The following CDK15 variants were observed in gnomAD, a reference collection of about 807,000 sequenced individuals.
The protein encoded by CDK15 is cyclin-dependent kinase 15.
A neutral mutation model predicts 60.3 loss-of-function variants in CDK15; 62 were observed. The observed-to-expected ratio is 1.03, with a 90% CI of 0.84 to 1.27. CDK15 has a LOEUF of 1.27. Ranked by LOEUF, CDK15 falls within the 50% of genes most tolerant of loss-of-function variation. The probability of loss-of-function intolerance (pLI) is 0.00; values close to 1 mark genes in which losing one functional copy is unlikely to be tolerated. For synonymous variants in CDK15, 194 were observed against 195.7 expected (o/e 0.99, Z 0.07); for missense variants, 541 against 527.8 (o/e 1.03, Z -0.25).
At chr2:201,892,125 C>T (rs1284977826) in intron 13 of CDK15, among the ~76,000 whole-genome samples, 1 of 152,188 alleles carries the variant, frequency 6.6e-6, no homozygotes, top group Non-Finnish European at 1.5e-5. Flanking sequence ...AGCTGATCCT[C>T]AGAGCATTTT....
At chr2:201,874,223 G>T (rs1291128266) in intron 11 of CDK15, among the ~76,000 whole-genome samples, 1 of 152,090 alleles carries the variant, frequency 6.6e-6, no homozygotes, top group African/African-American at 2.4e-5. Flanking sequence ...GCATTCCAAG[G>T]ATTCAGTAGC....
intron 4 of CDK15, among the ~76,000 whole-genome samples, chr2:201,822,060 A>G (rs138612118): frequency 3.3e-5 from 5 of 152,110 alleles, no homozygotes; most frequent in African/African-American, 9.7e-5. Flanking sequence ...AGCTCCAAAG[A>G]CACACTTTCA....
At chr2:201,846,667 C>A (rs911443014) in intron 8 of CDK15, among the ~76,000 whole-genome samples, 4 of 151,242 alleles carry the variant, frequency 2.6e-5, no homozygotes, top group African/African-American at 9.7e-5. Flanking sequence ...AGTAAGCTAA[C>A]ACTACATAAC....
chr2:201,873,141 T>C (rs1698922260), intron 11 of CDK15, among the ~76,000 whole-genome samples: 1 of 152,214 alleles, frequency 6.6e-6, no homozygotes, highest in Non-Finnish European at 1.5e-5. Flanking sequence ...CCAAAAGTTG[T>C]TTGAATTCTT....
intron 9 of CDK15, among the ~76,000 whole-genome samples, chr2:201,851,482 C>T (rs1697907317): frequency 6.6e-6 from 1 of 151,972 alleles, no homozygotes; most frequent in Non-Finnish European, 1.5e-5. Context: ...GGTAGAAGAG[C>T]AAACGGGCCT....
chr2:201,856,861 T>A (rs891660097), intron 10 of CDK15, among the ~76,000 whole-genome samples: 1 of 152,156 alleles, frequency 6.6e-6, no homozygotes, highest in Non-Finnish European at 1.5e-5. Flanking sequence ...ATACAAAATG[T>A]CTTGGTGAGA....
chr2:201,868,058 T>G (rs964046556), intron 10 of CDK15, among the ~76,000 whole-genome samples: 1 of 152,170 alleles, frequency 6.6e-6, no homozygotes, highest in African/African-American at 2.4e-5. Flanking sequence ...TGACCCACAC[T>G]GAGGACTCAG....
intron 8 of CDK15, among the ~76,000 whole-genome samples, chr2:201,842,507 C>T (rs554244078): frequency 2.0e-4 from 30 of 152,124 alleles, no homozygotes; most frequent in Non-Finnish European, 3.7e-4. Context: ...ATGTCACTGC[C>T]ATATATTACG....
At chr2:201,858,222 C>T (rs1698226232) in intron 10 of CDK15, among the ~76,000 whole-genome samples, 4 of 152,156 alleles carry the variant, frequency 2.6e-5, no homozygotes. Context: ...TAACTGTTTT[C>T]TTGGAGCTTT....
intron 8 of CDK15, among the ~76,000 whole-genome samples, chr2:201,846,289 T>G (rs775120711): frequency 1.3e-5 from 2 of 152,060 alleles, no homozygotes; most frequent in Non-Finnish European, 2.9e-5. Context: ...GGTCAGGAAT[T>G]CAAGACCAGC....
chr2:201,806,525 G>T, upstream of CDK15: 1 of 953,328 alleles, frequency 1.0e-6, no homozygotes, highest in South Asian at 2.7e-5. Context: ...AAGTTGTGAG[G>T]CTGCTCCAGG....
chr2:201,855,532 C>T (rs1246516988), intron 10 of CDK15, among the ~76,000 whole-genome samples: 1 of 152,084 alleles, frequency 6.6e-6, no homozygotes, highest in African/African-American at 2.4e-5. Flanking sequence ...GAGAAGCTGT[C>T]GCAGGGCCAC....
chr2:201,864,476 C>T (rs1698529538), intron 10 of CDK15, among the ~76,000 whole-genome samples: 1 of 152,196 alleles, frequency 6.6e-6, no homozygotes, highest in East Asian at 1.9e-4. Flanking sequence ...CGGCCCCATG[C>T]CCAGTTAATT....
At chr2:201,853,320 G>A (rs909342438) in intron 9 of CDK15, among the ~76,000 whole-genome samples, 2 of 152,124 alleles carry the variant, frequency 1.3e-5, no homozygotes. Context: ...AGATTTTACT[G>A]GGTGGCATGA....
chr2:201,841,295 C>T (rs2105761558), intron 8 of CDK15, among the ~76,000 whole-genome samples: 1 of 152,284 alleles, frequency 6.6e-6, no homozygotes, highest in Middle Eastern at 3.4e-3. Context: ...GCAACAATGA[C>T]ACAATATAAA....
intron 6 of CDK15, among the ~76,000 whole-genome samples, chr2:201,831,167 G>A (rs78829511): frequency 0.012 from 1,810 of 152,278 alleles, 9 homozygotes; most frequent in Non-Finnish European, 0.02. Context: ...GACAGGGTGG[G>A]AATCCTCGTG....
intron 6 of CDK15, chr2:201,824,769 C>A: frequency 1.4e-6 from 1 of 722,320 alleles, no homozygotes; most frequent in Non-Finnish European, 1.9e-6. Flanking sequence ...AGCTTCAGCG[C>A]CTAATGATGT....
At chr2:201,820,577 G>A (rs1696176285) in intron 4 of CDK15, among the ~76,000 whole-genome samples, 1 of 152,200 alleles carries the variant, frequency 6.6e-6, no homozygotes, top group Admixed American at 6.5e-5. Flanking sequence ...TACTCAGATA[G>A]GAAGTGACAG....
At chr2:201,831,969 C>T (rs1339457729) in intron 6 of CDK15, among the ~76,000 whole-genome samples, 1 of 152,086 alleles carries the variant, frequency 6.6e-6, no homozygotes, top group Non-Finnish European at 1.5e-5. Flanking sequence ...AGGTTGTATC[C>T]CTCACTGGTC....
Sources: gnomAD v4.1 joint callset for allele counts (sites outside exome capture counted in the v4.1 genomes callset) on GRCh38, gnomAD v4.1.1 for gene constraint, MANE v1.5 for transcripts, NCBI Gene and HGNC (gene_info 2026-07-23, HGNC 2026-07-21) for gene names.